Variants in NETO1 observed in about 807,000 individuals in gnomAD.
The protein encoded by NETO1 is neuropilin and tolloid-like protein 1.
Under a neutral mutation model 61.3 loss-of-function variants are expected in NETO1, and 26 were observed. The ratio of observed to expected loss-of-function variants is 0.42; its 90% CI spans 0.31 to 0.59. The LOEUF is 0.59. Ranked by LOEUF, NETO1 falls within the 20% of genes least tolerant of loss-of-function variation. The probability of loss-of-function intolerance (pLI) is 0.12; values close to 1 mark genes in which losing one functional copy is unlikely to be tolerated. For missense variants in NETO1, 531 were observed against 662.8 expected, an observed-to-expected ratio of 0.80 and a Z score of 2.18; for synonymous variants, 225 against 225.8, an observed-to-expected ratio of 1.00 and a Z score of 0.03.
intron 7 of NETO1, among the ~76,000 whole-genome samples, chr18:72,766,218 ATATGTG>A (rs1452565676): frequency 2.7e-5 from 2 of 75,300 alleles, no homozygotes; most frequent in African/African-American, 9.1e-5. Context: ...AAAAAAAAAA[ATATGTG>A]TGTGTGTGTG....
intron 4 of NETO1, among the ~76,000 whole-genome samples, chr18:72,829,760 G>C (rs2073512255): frequency 6.6e-6 from 1 of 152,128 alleles, no homozygotes; most frequent in Admixed American, 6.5e-5. Context: ...TTAAATGGAG[G>C]GAGTACAGTG....
In NETO1 at chr18:72,867,932, G is replaced by A. The variant is rs1032608612; in HGVS notation, c.-641C>T. On this transcript the variant is annotated 5_prime_UTR_variant, in exon 1 of 11. Transcript: ENST00000327305. Reference sequence around the variant, plus strand: ...TCTTCCGCTGAGGCATTGAAGGCAGGAAGAAGGGGTCCGTCATCGGCTCGC... The same window carrying A: ...TCTTCCGCTGAGGCATTGAAGGCAGAAAGAAGGGGTCCGTCATCGGCTCGC... The A allele has an allele frequency of 3.3e-5, 5 of 152,048 alleles. No homozygotes were observed. The highest frequency in any genetic ancestry group is 9.7e-5 in the African/African-American group (4 of 41,304). 9.4% of individuals were successfully genotyped at this position (152,048 alleles called of 1,614,324 possible).
chr18:72,781,095 A>T (rs1377855886), intron 7 of NETO1, among the ~76,000 whole-genome samples: 4 of 152,172 alleles, frequency 2.6e-5, no homozygotes, highest in African/African-American at 7.2e-5. Flanking sequence ...CCTCTATGTT[A>T]TTGATTTTTG....
rs1429332497 is a variant in NETO1 at position 72,745,324 on chromosome 18, G to C, written c.*2855C>G. On this transcript the variant is annotated 3_prime_UTR_variant, in exon 11 of 11. Coordinates refer to ENST00000327305, the MANE Select transcript of NETO1 (RefSeq NM_138966.5). ...TAGGCAACTACAATACATTTGGACA[G>C]AAGTACGAAGCTTAATATGGGGATT... 6.6e-6 allele frequency: 1 copy of C among 152,162 alleles called. No homozygotes were observed. Among genetic ancestry groups the C allele is most frequent in the Non-Finnish European group, 1.5e-5 (1 of 68,022 alleles). 9.4% of individuals were successfully genotyped at this position (152,162 alleles called of 1,614,324 possible).
intron 8 of NETO1, among the ~76,000 whole-genome samples, chr18:72,753,798 G>C (rs2070701716): frequency 6.6e-6 from 1 of 152,118 alleles, no homozygotes; most frequent in African/African-American, 2.4e-5. Flanking sequence ...TGACAATATA[G>C]TATAAACAAG....
chr18:72,796,282 G>A (rs62091910), intron 4 of NETO1, among the ~76,000 whole-genome samples: 17,278 of 152,118 alleles, frequency 0.11, 1,281 homozygotes, highest in Middle Eastern at 0.18. Context: ...TTCATTAAAG[G>A]TTTTGTTGTT....
intron 8 of NETO1, among the ~76,000 whole-genome samples, chr18:72,750,872 T>TACACACACACACACAC (rs142668353): frequency 0.029 from 3,392 of 118,670 alleles, 106 homozygotes; most frequent in Non-Finnish European, 0.039. Flanking sequence ...CAGCTTAAAA[T>TACACACACACACACAC]ACACACACAC....
intron 4 of NETO1, among the ~76,000 whole-genome samples, chr18:72,836,644 A>G (rs1282364794): frequency 6.6e-6 from 1 of 152,206 alleles, no homozygotes; most frequent in Non-Finnish European, 1.5e-5. Context: ...TTTATATTGC[A>G]AATCGTTTTG....
At chr18:72,822,997 T>C (rs1235345076) in intron 4 of NETO1, among the ~76,000 whole-genome samples, 1 of 152,118 alleles carries the variant, frequency 6.6e-6, no homozygotes, top group Non-Finnish European at 1.5e-5. Flanking sequence ...TTTGGGAGAT[T>C]TAATATTTTC....
At chr18:72,757,400 T>TAA (rs35175814) in intron 7 of NETO1, among the ~76,000 whole-genome samples, 38 of 150,552 alleles carry the variant, frequency 2.5e-4, no homozygotes, top group South Asian at 4.2e-4. Flanking sequence ...AGAAATCCTT[T>TAA]AAAAAAAAAC....
intron 4 of NETO1, among the ~76,000 whole-genome samples, chr18:72,828,822 A>G (rs2073478964): frequency 6.6e-6 from 1 of 152,234 alleles, no homozygotes; most frequent in Non-Finnish European, 1.5e-5. Context: ...AGACAGTCAA[A>G]TAAGGTCTAC....
rs1461911652 is a variant in NETO1, at chr18:72,747,898, C to G, written c.*281G>C. On this transcript the variant is annotated 3_prime_UTR_variant, in exon 11 of 11. Coordinates refer to ENST00000327305, the MANE Select transcript of NETO1 (RefSeq NM_138966.5). ...ACAATAAAAATAAAGTTGGGATAGT[C>G]TTAATCGGGAACTAATTTCTTCTTC... is the stretch of plus-strand genomic sequence containing the variant. The G allele has an allele frequency of 6.6e-6, 1 of 152,592 alleles. No individual in the cohort carries two copies. The highest frequency in any genetic ancestry group is 2.4e-5 in the African/African-American group (1 of 41,408). The allele number at this position is 152,592 out of a possible 1,614,324, so 9.5% of individuals were successfully genotyped here.
At chr18:72,770,587 G>C (rs2071321756) in intron 7 of NETO1, among the ~76,000 whole-genome samples, 1 of 152,078 alleles carries the variant, frequency 6.6e-6, no homozygotes, top group Non-Finnish European at 1.5e-5. Context: ...TATTAGTAAA[G>C]TGGTCTTAAT....
intron 4 of NETO1, among the ~76,000 whole-genome samples, chr18:72,857,257 G>A (rs1033328848): frequency 6.6e-6 from 1 of 152,204 alleles, no homozygotes; most frequent in Non-Finnish European, 1.5e-5. Flanking sequence ...TGATTCAGTT[G>A]TTCGCAGCAG....
chr18:72,755,698 G>A (rs184973781), intron 8 of NETO1, among the ~76,000 whole-genome samples: 14 of 152,164 alleles, frequency 9.2e-5, no homozygotes, highest in African/African-American at 2.4e-4. Context: ...TGAATGAGAC[G>A]TGTAGCCACA....
chr18:72,835,147 A>G (rs937009142), intron 4 of NETO1: 2 of 1,259,910 alleles, frequency 1.6e-6, no homozygotes, highest in South Asian at 6.0e-5. Flanking sequence ...AGAAAGATTG[A>G]GCAAACAGCA....
chr18:72,835,384 G>T, intron 4 of NETO1: 1 of 1,403,972 alleles, frequency 7.1e-7, no homozygotes. Context: ...ATGAATTGTA[G>T]GAAGTCCACT....
Position 72,808,239 on chromosome 18 carries a change from G to T in NETO1, c.470-13835C>A, listed in dbSNP as rs142683029. 8.5e-4 allele frequency among the ~76,000 whole-genome samples: 129 copies of T among 152,312 alleles called. 2 individuals carry two copies. The East Asian group carries it at 0.021, about 25-fold the overall frequency. ...CCAAGGCAGGTGATATTAGACTGGGGCTGAGCTTTTATGCCCAGAAAAGTG... is the reference window on the plus strand; with the variant it reads ...CCAAGGCAGGTGATATTAGACTGGGTCTGAGCTTTTATGCCCAGAAAAGTG... On this transcript the variant is annotated intron_variant, in intron 4 of 10. Coordinates refer to ENST00000327305, the MANE Select transcript of NETO1 (RefSeq NM_138966.5).
At chr18:72,786,809 A>T (rs888160439) in intron 6 of NETO1, among the ~76,000 whole-genome samples, 1 of 151,550 alleles carries the variant, frequency 6.6e-6, no homozygotes, top group Non-Finnish European at 1.5e-5. Context: ...TTCAATGTTA[A>T]CATGACTTAA....
Sources: gnomAD v4.1 joint callset for allele counts (sites outside exome capture counted in the v4.1 genomes callset) on GRCh38, gnomAD v4.1.1 for gene constraint, MANE v1.5 for transcripts, NCBI Gene and HGNC (gene_info 2026-07-23, HGNC 2026-07-21) for gene names.